The following KCNAB2 variants were observed in gnomAD, a reference collection of about 807,000 sequenced individuals.
KCNAB2 encodes the protein potassium voltage-gated channel subfamily A regulatory beta subunit 2.
Under a neutral mutation model 63.6 loss-of-function variants are expected in KCNAB2, and 29 were observed. The ratio of observed to expected loss-of-function variants is 0.46; its 90% CI spans 0.34 to 0.62. The LOEUF (loss-of-function observed/expected upper bound fraction) is 0.62. Among genes scored for constraint, KCNAB2 ranks in the 20% least tolerant of loss-of-function variants. The pLI is 0.01. For synonymous variants in KCNAB2, 222 were observed against 224.2 expected, an observed-to-expected ratio of 0.99 and a Z score of 0.09; for missense variants, 359 against 563.9, an observed-to-expected ratio of 0.64 and a Z score of 3.68.
intron 1 of KCNAB2, among the ~76,000 whole-genome samples, chr1:6,020,822 A>G (rs963276716): frequency 1.3e-5 from 2 of 152,032 alleles, no homozygotes; most frequent in Non-Finnish European, 2.9e-5. Flanking sequence ...GCCCACCACC[A>G]TGCCTGGCTA....
Position 6,090,486 on chromosome 1 carries a change from T to C in KCNAB2, c.601+11T>C. On this transcript the variant is annotated intron_variant, in intron 9 of 15. Coordinates refer to ENST00000378083, the MANE Select transcript of KCNAB2 (RefSeq NM_001199862.2). ...ACACCCCGATGGAAGGTAGGTGGTC[T>C]GCGGCGGCGCCACCGGTTAGGCCTG... 1 of 1,608,494 alleles carries C rather than the reference T, an allele frequency of 6.2e-7. No individual in the cohort carries two copies. Among genetic ancestry groups the C allele is most frequent in the Non-Finnish European group, 8.5e-7 (1 of 1,175,856 alleles).
chr1:6,025,096 C>T (rs1223386949), intron 1 of KCNAB2, among the ~76,000 whole-genome samples: 2 of 152,132 alleles, frequency 1.3e-5, no homozygotes, highest in Non-Finnish European at 1.5e-5. Context: ...GTTTGTCTCT[C>T]GACACCTCTA....
At chr1:6,061,683 A>T (rs1353202555) in intron 2 of KCNAB2, among the ~76,000 whole-genome samples, 3 of 152,220 alleles carry the variant, frequency 2.0e-5, no homozygotes, top group Non-Finnish European at 4.4e-5. Flanking sequence ...ACTGATACAG[A>T]GTAATCATCT....
At chr1:6,093,228 A>T (rs1306372172) in intron 10 of KCNAB2, among the ~76,000 whole-genome samples, 1 of 152,188 alleles carries the variant, frequency 6.6e-6, no homozygotes, top group East Asian at 1.9e-4. Context: ...TCCAGGGTCA[A>T]CGTTGTTGCT....
chr1:6,080,272 T>C (rs1664080136), intron 4 of KCNAB2, among the ~76,000 whole-genome samples: 1 of 152,014 alleles, frequency 6.6e-6, no homozygotes, highest in South Asian at 2.1e-4. Flanking sequence ...AGTGAGCAGG[T>C]GAACAAGCCA....
rs575622991 is a variant in KCNAB2 at position 6,078,773 on chromosome 1, G to A, written c.301-3422G>A. ...TCATGAGGATGTCCCAGAGTTCAGC[G>A]TGTGCACGATCCCATGTACTCGGAA... On this transcript the variant is annotated intron_variant, in intron 4 of 15. Coordinates refer to ENST00000378083, the MANE Select transcript of KCNAB2 (RefSeq NM_001199862.2). The surrounding 1 kb of genome is among the most constrained non-coding windows in gnomAD (Gnocchi z 4.2). Among the ~76,000 whole-genome samples the A allele has an allele frequency of 1.8e-4, 27 of 152,316 alleles. No individual in the cohort carries two copies. The highest frequency in any genetic ancestry group is 4.1e-4 in the African/African-American group (17 of 41,560).
At chr1:5,995,423 C>T (rs1225924580) in intron 1 of KCNAB2, among the ~76,000 whole-genome samples, 2 of 152,236 alleles carry the variant, frequency 1.3e-5, no homozygotes, top group South Asian at 4.1e-4. Flanking sequence ...GCCAGCACCC[C>T]GAGGACATGA....
chr1:6,057,660 C>T (rs1387781558), intron 2 of KCNAB2, among the ~76,000 whole-genome samples: 1 of 152,176 alleles, frequency 6.6e-6, no homozygotes, highest in Non-Finnish European at 1.5e-5. Context: ...GAAAGTCCAA[C>T]GGCCAGGTGC....
At position 6,074,154 on chromosome 1, in the gene KCNAB2, C is replaced by T. The variant is rs550894213; in HGVS notation, c.300+384C>T. 6.6e-6 allele frequency among the ~76,000 whole-genome samples: 1 copy of T among 152,348 alleles called. No homozygotes were observed. Among genetic ancestry groups the T allele is most frequent in the South Asian group, 2.1e-4 (1 of 4,826 alleles). ...GTCCTAGCTGCCCCCATGGAGGCTC[C>T]AGTAACTGTCTGTCTTGGTCATTGG... On this transcript the variant is annotated intron_variant, in intron 4 of 15. Coordinates refer to ENST00000378083, the MANE Select transcript of KCNAB2 (RefSeq NM_001199862.2). The surrounding 1 kb of genome is among the most constrained non-coding windows in gnomAD (Gnocchi z 4.9).
At chr1:6,052,427 CAAAA>C (rs55970222) in intron 2 of KCNAB2, among the ~76,000 whole-genome samples, 2 of 124,566 alleles carry the variant, frequency 1.6e-5, no homozygotes, top group Non-Finnish European at 3.5e-5. Context: ...CTCCATTGCG[CAAAA>C]AAAAAAAAAA....
At chr1:6,005,899 ACCC>A (rs200545937) in intron 1 of KCNAB2, among the ~76,000 whole-genome samples, 1 of 140,822 alleles carries the variant, frequency 7.1e-6, no homozygotes, top group Non-Finnish European at 1.5e-5. Flanking sequence ...TTCCACCCTC[ACCC>A]CTCAGCTCAG....
intron 11 of KCNAB2, 88 bp downstream of exon 11, chr1:6,094,573 G>A (rs1665462985): frequency 9.0e-7 from 1 of 1,112,332 alleles, no homozygotes; most frequent in Non-Finnish European, 1.3e-6. Context: ...GGCGGGGTCT[G>A]TGCCTTTGGT....
chr1:6,099,984 C>T lies in KCNAB2; in HGVS notation c.*1410C>T, dbSNP rs1240823816. 5 of 1,547,126 alleles carry T rather than the reference C, an allele frequency of 3.2e-6. No individual in the cohort carries two copies. In the African/African-American group the frequency reaches 5.5e-5, roughly 17 times the overall value. Reference sequence around the variant, plus strand: ...GCTTTGCAGACCACGCGGGGCAGGGCTCCACTGAAGCCACCCCCACCCCTC... The same window carrying T: ...GCTTTGCAGACCACGCGGGGCAGGGTTCCACTGAAGCCACCCCCACCCCTC... On this transcript the variant is annotated 3_prime_UTR_variant, in exon 16 of 16. Transcript: ENST00000378083.
At chr1:6,055,353 C>CTTTT (rs543532983) in intron 2 of KCNAB2, among the ~76,000 whole-genome samples, 2 of 109,750 alleles carry the variant, frequency 1.8e-5, no homozygotes, top group African/African-American at 6.8e-5. Context: ...AAGACAAACG[C>CTTTT]TTTTTTTTTT....
At chr1:6,089,116 G>A in intron 8 of KCNAB2, 65 bp downstream of exon 8, 3 of 1,488,256 alleles carry the variant, frequency 2.0e-6, no homozygotes, top group Non-Finnish European at 2.7e-6. Context: ...AGGCCAAAGT[G>A]ATGGCAGCAC....
chr1:6,097,697 G>C, intron 15 of KCNAB2: 1 of 556,328 alleles, frequency 1.8e-6, no homozygotes, highest in Non-Finnish European at 3.2e-6. Context: ...GGTGGTGCTT[G>C]AGCAGTCTTG....
At chr1:6,059,928 C>T (rs1221339801) in intron 2 of KCNAB2, among the ~76,000 whole-genome samples, 3 of 152,200 alleles carry the variant, frequency 2.0e-5, no homozygotes, top group African/African-American at 7.2e-5. Context: ...AAGCACAGTC[C>T]ACTCAGCCCA....
rs190679955 is a variant in KCNAB2, at chr1:6,073,037, G to A, written c.262+239G>A. On this transcript the variant is annotated intron_variant, in intron 3 of 15. Coordinates refer to ENST00000378083, the MANE Select transcript of KCNAB2 (RefSeq NM_001199862.2). This position sits in a 1 kb window ranked among gnomAD's most constrained non-coding sequence, Gnocchi z 5.7. ...ACAGTCTCAGCAGAGGAGGTGAGGC[G>A]GATACTAGGGGCCCCTCCACACATG... is the stretch of plus-strand genomic sequence containing the variant. Among the ~76,000 whole-genome samples, 5 of 152,116 alleles carry A rather than the reference G, an allele frequency of 3.3e-5. No homozygotes were observed. In the East Asian group the frequency reaches 7.8e-4, roughly 24 times the overall value.
At chr1:6,022,945 C>T (rs1303606070) in intron 1 of KCNAB2, among the ~76,000 whole-genome samples, 4 of 145,126 alleles carry the variant, frequency 2.8e-5, no homozygotes, top group Non-Finnish European at 5.9e-5. Context: ...GGCAGTGGCG[C>T]GATCTTGGCT....
Sources: allele counts gnomAD v4.1 joint callset (sites outside exome capture counted in the v4.1 genomes callset), GRCh38; gene constraint gnomAD v4.1.1; non-coding constraint Gnocchi (gnomAD v3.1); transcripts MANE v1.5; gene names NCBI Gene and HGNC (gene_info 2026-07-23, HGNC 2026-07-21).